The following SLC35F5 variants were observed in gnomAD, a reference collection of about 807,000 sequenced individuals.
SLC35F5 encodes HCV NS5A-transactivated protein 3.
Under a neutral mutation model 68.6 loss-of-function variants are expected in SLC35F5, and 54 were observed. The ratio of observed to expected loss-of-function variants is 0.79; its 90% CI spans 0.63 to 0.99. The LOEUF is 0.99. Among genes scored for constraint, SLC35F5 ranks in the 50% least tolerant of loss-of-function variants. SLC35F5 has a pLI of 0.00. For missense variants in SLC35F5, 567 were observed against 626.9 expected, an observed-to-expected ratio of 0.90 and a Z score of 1.02; for synonymous variants, 211 against 205.2, an observed-to-expected ratio of 1.03 and a Z score of -0.24.
At chr2:113,733,543 T>C in intron 9 of SLC35F5, 1 of 192,250 alleles carries the variant, frequency 5.2e-6, no homozygotes, top group Non-Finnish European at 1.2e-5. Flanking sequence ...TAGTAAATCA[T>C]GTAAAAGAAT....
chr2:113,755,414 T>G, intron 2 of SLC35F5, 40 bp downstream of exon 2: 1 of 1,609,632 alleles, frequency 6.2e-7, no homozygotes, highest in Non-Finnish European at 8.5e-7. Context: ...TAGCTAATGT[T>G]CAGTGTGAAA....
rs1687073865 is a variant in SLC35F5 at position 113,713,720 on chromosome 2, G to A, written c.*1498C>T. 1 of 141,456 alleles carries A rather than the reference G, an allele frequency of 7.1e-6. No homozygotes were observed. The highest frequency in any genetic ancestry group is 7.2e-5 in the Admixed American group (1 of 13,890). 8.8% of individuals were successfully genotyped at this position (141,456 alleles called of 1,614,324 possible). On this transcript the variant is annotated 3_prime_UTR_variant, in exon 16 of 16. Coordinates refer to ENST00000245680, the MANE Select transcript of SLC35F5 (RefSeq NM_025181.5). ...ATTGGTGGTGCCAAATGAGAAAAGA[G>A]CTGTTTTTGCCACTTTGGGCTGGAT...
At chr2:113,720,050 AG>A (rs1687365285) in intron 13 of SLC35F5, among the ~76,000 whole-genome samples, 2 of 151,420 alleles carry the variant, frequency 1.3e-5, no homozygotes, top group East Asian at 3.9e-4. Context: ...AAAATCAAAA[AG>A]AAAAAAAAAT....
chr2:113,734,547 T>G, intron 9 of SLC35F5, 39 bp downstream of exon 9: 1 of 1,177,534 alleles, frequency 8.5e-7, no homozygotes, highest in Non-Finnish European at 1.2e-6. Flanking sequence ...ATATTGTATT[T>G]TTAAGCAGAG....
Position 113,755,212 on chromosome 2 carries a change from G to C in SLC35F5, c.226C>G (p.Leu76Val). 1 of 1,613,980 alleles carries C rather than the reference G, an allele frequency of 6.2e-7. No individual in the cohort carries two copies. Among genetic ancestry groups the C allele is most frequent in the Non-Finnish European group, 8.5e-7 (1 of 1,179,988 alleles). ...RRRMALGIVI[L>V]LLVDVIWVAS... The stretch of plus-strand genomic sequence containing the variant: ...ACCCATATCACATCAACAAGCAGAA[G>C]AATAACAATCCCAAGAGCCATTCGC... The change falls in exon 3 of 16, where the codon CTT becomes GTT. Residue 76 changes from leucine (L) to valine (V), a missense_variant. Transcript: ENST00000245680.
intron 7 of SLC35F5, among the ~76,000 whole-genome samples, 195 bp from the exon 8 acceptor site, chr2:113,736,053 C>A (rs1490117521): frequency 6.6e-6 from 1 of 151,314 alleles, no homozygotes; most frequent in Non-Finnish European, 1.5e-5. Flanking sequence ...ACCATGCTAC[C>A]CAATTTCCCT....
intron 4 of SLC35F5, 140 bp downstream of exon 4, chr2:113,750,285 C>T (rs1010992706): frequency 4.2e-6 from 3 of 709,720 alleles, no homozygotes; most frequent in African/African-American, 1.9e-5. Flanking sequence ...GGACAAGAGC[C>T]GGTTTTCTTA....
At chr2:113,740,970 C>T (rs1477349138) in intron 7 of SLC35F5, among the ~76,000 whole-genome samples, 1 of 152,216 alleles carries the variant, frequency 6.6e-6, no homozygotes. Context: ...TAGCTCTCTG[C>T]TTTCACAATG....
chr2:113,731,440 T>A, intron 10 of SLC35F5, 144 bp downstream of exon 10: 1 of 597,362 alleles, frequency 1.7e-6, no homozygotes, highest in Non-Finnish European at 3.0e-6. Context: ...TTTACGCATT[T>A]TTTTATGTTA....
At chr2:113,718,180 C>A (rs1287589190) in intron 14 of SLC35F5, among the ~76,000 whole-genome samples, 2 of 152,054 alleles carry the variant, frequency 1.3e-5, no homozygotes, top group Non-Finnish European at 2.9e-5. Context: ...AATTCCTGGG[C>A]TCAAGTGATC....
At chr2:113,738,536 A>C (rs568253622) in intron 7 of SLC35F5, among the ~76,000 whole-genome samples, 14 of 152,258 alleles carry the variant, frequency 9.2e-5, no homozygotes, top group African/African-American at 3.4e-4. Context: ...CTTGTCTATG[A>C]TGAACACTGT....
At position 113,729,392 on chromosome 2, in the gene SLC35F5, T is replaced by C; in HGVS notation, c.1090+9A>G. On this transcript the variant is annotated intron_variant, in intron 11 of 15. Transcript: ENST00000245680. ...AGTAAATAGCCTCCCAAGTTACATA[T>C]ATTCTTACCAAAGAACATTGGAATA... is the stretch of plus-strand genomic sequence containing the variant. 2.2e-6 allele frequency: 3 copies of C among 1,385,764 alleles called. No individual in the cohort carries two copies. The highest frequency in any genetic ancestry group is 3.0e-6 in the Non-Finnish European group (3 of 992,770). 85.8% of individuals were successfully genotyped at this position (1,385,764 alleles called of 1,614,324 possible).
At position 113,706,796 on chromosome 2, in the gene SLC35F5, C is replaced by T. The variant is rs1686810562; in HGVS notation, c.*8422G>A. Among the ~76,000 whole-genome samples, 1 of 152,118 alleles carries T rather than the reference C, an allele frequency of 6.6e-6. No individual in the cohort carries two copies. On this transcript the variant is annotated 3_prime_UTR_variant, in exon 16 of 16. Coordinates refer to ENST00000245680, the MANE Select transcript of SLC35F5 (RefSeq NM_025181.5). Reference sequence around the variant, plus strand: ...AGGACAGATTTGAGGTTTTTCTGTACTTTTAATGAGCTAGAAAATGCATAC... The same window carrying T: ...AGGACAGATTTGAGGTTTTTCTGTATTTTTAATGAGCTAGAAAATGCATAC...
chr2:113,708,306 A>G lies in SLC35F5; in HGVS notation c.*6912T>C, dbSNP rs1686858499. On this transcript the variant is annotated 3_prime_UTR_variant, in exon 16 of 16. Transcript: ENST00000245680. ...ATTTTTTTCTAACAAAATGGAATTA[A>G]AAGATGAGAAAACCTCGTAGTATTT... Among the ~76,000 whole-genome samples the G allele has an allele frequency of 6.6e-6, 1 of 152,232 alleles. No individual in the cohort carries two copies. The highest frequency in any genetic ancestry group is 1.5e-5 in the Non-Finnish European group (1 of 68,042).
chr2:113,705,121 G>A (rs1370748570), downstream of SLC35F5: 3 of 152,262 alleles, frequency 2.0e-5, no homozygotes, highest in African/African-American at 7.2e-5. Flanking sequence ...TATAAGGGTG[G>A]TCAGGTAATT....
chr2:113,734,934 A>G (rs1017723205), intron 8 of SLC35F5, among the ~76,000 whole-genome samples: 4 of 152,240 alleles, frequency 2.6e-5, no homozygotes, highest in Non-Finnish European at 5.9e-5. Flanking sequence ...TTAAACTAAT[A>G]GGAAACTTAA....
At chr2:113,726,416 TA>T in intron 11 of SLC35F5, among the ~76,000 whole-genome samples, 1 of 152,228 alleles carries the variant, frequency 6.6e-6, no homozygotes, top group East Asian at 1.9e-4. Flanking sequence ...AATTCTATAA[TA>T]AATTTTGTTG....
chr2:113,743,148 A>T (rs188563220), intron 6 of SLC35F5, among the ~76,000 whole-genome samples: 8 of 152,356 alleles, frequency 5.3e-5, no homozygotes, highest in Admixed American at 3.3e-4. Context: ...TACTGTATAT[A>T]CATAACTGCC....
At chr2:113,756,282 C>A in intron 1 of SLC35F5, 88 bp downstream of exon 1, 1 of 1,545,126 alleles carries the variant, frequency 6.5e-7, no homozygotes, top group Non-Finnish European at 8.7e-7. Flanking sequence ...GCTCCTGCTG[C>A]CACCGAGGGC....
Sources: gnomAD v4.1 joint callset for allele counts (sites outside exome capture counted in the v4.1 genomes callset) on GRCh38, gnomAD v4.1.1 for gene constraint, MANE v1.5 for transcripts, NCBI Gene and HGNC (gene_info 2026-07-23, HGNC 2026-07-21) for gene names.